Variants in RPS6KC1 observed in about 807,000 individuals in gnomAD.
The protein encoded by RPS6KC1 is inactive ribosomal protein S6 kinase delta-1.
Under a neutral mutation model 103.8 loss-of-function variants are expected in RPS6KC1, and 54 were observed. That is an observed-to-expected ratio of 0.52 (90% CI 0.42 to 0.65). The LOEUF is 0.65. Ranked by LOEUF, RPS6KC1 falls within the 30% of genes least tolerant of loss-of-function variation. RPS6KC1 has a pLI of 0.00. For synonymous variants in RPS6KC1, 439 were observed against 438.7 expected (o/e 1.00, Z -0.01); for missense variants, 1,151 against 1,253.8 (o/e 0.92, Z 1.24).
At chr1:213,479,046 TTC>T in the RPS6KC1 span, among the ~76,000 whole-genome samples, 1 of 152,096 alleles carries the variant, frequency 6.6e-6, no homozygotes, top group Non-Finnish European at 1.5e-5. Flanking sequence ...CAAGACTTCA[TTC>T]TCTGTTTTTA....
At chr1:213,747,469 G>A in the RPS6KC1 span, among the ~76,000 whole-genome samples, 1 of 152,114 alleles carries the variant, frequency 6.6e-6, no homozygotes, top group Non-Finnish European at 1.5e-5. Flanking sequence ...GGAGATCAAA[G>A]AGTTGGAGCA....
rs1349820072 is a variant in RPS6KC1, at chr1:213,270,772, A to G, written c.3091-1752A>G. On this transcript the variant is annotated intron_variant, in intron 14 of 14. Coordinates refer to ENST00000366960, the MANE Select transcript of RPS6KC1 (RefSeq NM_012424.6). ...GTAAGACAGACAATTCAGTTTTAAA[A>G]TGGGCGGAAAGTTAGATATTTCACC... Among the ~76,000 whole-genome samples the G allele has an allele frequency of 1.3e-5, 2 of 152,228 alleles. 1 individual carries two copies. The highest frequency in any genetic ancestry group is 1.3e-4 in the Admixed American group (2 of 15,288).
chr1:213,524,681 G>A, the RPS6KC1 span, among the ~76,000 whole-genome samples: 1 of 152,192 alleles, frequency 6.6e-6, no homozygotes, highest in African/African-American at 2.4e-5. Context: ...TCTGTAGAAT[G>A]GAGTTAATAC....
the RPS6KC1 span, among the ~76,000 whole-genome samples, chr1:213,839,182 A>G: frequency 1.3e-5 from 2 of 152,214 alleles, no homozygotes; most frequent in South Asian, 2.1e-4. Context: ...ACCAGGGATC[A>G]AATCCTGTGG....
chr1:213,775,457 C>T, the RPS6KC1 span, among the ~76,000 whole-genome samples: 1 of 152,088 alleles, frequency 6.6e-6, no homozygotes, highest in Non-Finnish European at 1.5e-5. Flanking sequence ...ATAAAGCAAG[C>T]CACACAATTT....
At chr1:213,178,967 G>A (rs965288414) in intron 8 of RPS6KC1, among the ~76,000 whole-genome samples, 1 of 151,942 alleles carries the variant, frequency 6.6e-6, no homozygotes, top group South Asian at 2.1e-4. Context: ...TGATCCACTC[G>A]CCTCGGCCTC....
the RPS6KC1 span, among the ~76,000 whole-genome samples, chr1:213,615,970 T>G: frequency 2.0e-4 from 30 of 152,332 alleles, no homozygotes; most frequent in Middle Eastern, 6.8e-3. Flanking sequence ...GCCAGTTGAC[T>G]AACTTTAGTT....
the RPS6KC1 span, among the ~76,000 whole-genome samples, chr1:213,366,281 C>T: frequency 0.056 from 8,528 of 152,262 alleles, 782 homozygotes; most frequent in African/African-American, 0.19. Flanking sequence ...AGCTGTGAGA[C>T]GCACGGAGAC....
At chr1:213,298,238 G>T in the RPS6KC1 span, among the ~76,000 whole-genome samples, 1 of 152,200 alleles carries the variant, frequency 6.6e-6, no homozygotes, top group Non-Finnish European at 1.5e-5. Context: ...ACATTTTTGC[G>T]TGTATCTTTT....
the RPS6KC1 span, among the ~76,000 whole-genome samples, chr1:213,779,439 C>T: frequency 3.3e-5 from 5 of 152,308 alleles, no homozygotes; most frequent in South Asian, 6.2e-4. Flanking sequence ...AATCACATGT[C>T]GTATGACATT....
chr1:213,637,661 CCA>C, the RPS6KC1 span, among the ~76,000 whole-genome samples: 1 of 152,096 alleles, frequency 6.6e-6, no homozygotes, highest in Non-Finnish European at 1.5e-5. Flanking sequence ...AAACTATTTT[CCA>C]GAGTAGCTGT....
intron 10 of RPS6KC1, among the ~76,000 whole-genome samples, chr1:213,235,361 G>A (rs2094199224): frequency 6.6e-6 from 1 of 152,112 alleles, no homozygotes; most frequent in Non-Finnish European, 1.5e-5. Flanking sequence ...CATTATAGAG[G>A]CAGAACAGAC....
the RPS6KC1 span, among the ~76,000 whole-genome samples, chr1:213,685,120 C>T: frequency 1.3e-5 from 2 of 152,142 alleles, no homozygotes; most frequent in Non-Finnish European, 2.9e-5. Flanking sequence ...GATGAAAATG[C>T]TGTCAACATT....
chr1:213,267,307 G>A (rs1200649755), intron 14 of RPS6KC1, among the ~76,000 whole-genome samples: 1 of 151,446 alleles, frequency 6.6e-6, no homozygotes, highest in Non-Finnish European at 1.5e-5. Flanking sequence ...AAAAAAAAAT[G>A]TGGAAAGTTG....
intron 6 of RPS6KC1, among the ~76,000 whole-genome samples, chr1:213,160,308 CATCA>C (rs1422037723): frequency 6.6e-6 from 1 of 152,152 alleles, no homozygotes; most frequent in Non-Finnish European, 1.5e-5. Context: ...GCTTTGTAGA[CATCA>C]TTCTGTTTAC....
the RPS6KC1 span, among the ~76,000 whole-genome samples, chr1:213,611,214 C>G: frequency 1.3e-5 from 2 of 152,152 alleles, no homozygotes; most frequent in African/African-American, 4.8e-5. Flanking sequence ...GTTCTGGCCT[C>G]TCTGTCTCTT....
At chr1:213,499,321 G>A in the RPS6KC1 span, among the ~76,000 whole-genome samples, 5 of 152,140 alleles carry the variant, frequency 3.3e-5, no homozygotes, top group African/African-American at 7.2e-5. Flanking sequence ...ATCACTAGGC[G>A]ATTTCGTCAT....
chr1:213,810,458 C>A, the RPS6KC1 span, among the ~76,000 whole-genome samples: 1 of 152,082 alleles, frequency 6.6e-6, no homozygotes, highest in African/African-American at 2.4e-5. Flanking sequence ...TAGAGCTTGG[C>A]CGAATTGGAA....
At chr1:213,539,187 G>C in the RPS6KC1 span, among the ~76,000 whole-genome samples, 1 of 152,138 alleles carries the variant, frequency 6.6e-6, no homozygotes, top group Non-Finnish European at 1.5e-5. Flanking sequence ...CTCAACTCTT[G>C]ATATCCATCC....
Sources: gnomAD v4.1 joint callset for allele counts (sites outside exome capture counted in the v4.1 genomes callset) on GRCh38, gnomAD v4.1.1 for gene constraint, MANE v1.5 for transcripts, NCBI Gene and HGNC (gene_info 2026-07-23, HGNC 2026-07-21) for gene names.